NRP2: variants seen among roughly 807,000 people sequenced by gnomAD.
The protein encoded by NRP2 is neuropilin 2.
In NRP2, 52 loss-of-function variants were observed where a neutral mutation model predicts 110.4. The observed-to-expected ratio is 0.47, with a 90% CI of 0.38 to 0.59. The LOEUF (loss-of-function observed/expected upper bound fraction) is 0.59. NRP2 is among the 20% of genes least tolerant of loss of function. NRP2 has a pLI of 0.00. For missense variants in NRP2, 1,049 were observed against 1,203.0 expected (o/e 0.87, Z 1.89); for synonymous variants, 508 against 468.9 (o/e 1.08, Z -1.08).
intron 7 of NRP2, among the ~76,000 whole-genome samples, chr2:205,736,184 A>C (rs2057338403): frequency 6.6e-6 from 1 of 152,094 alleles, no homozygotes; most frequent in Non-Finnish European, 1.5e-5. Flanking sequence ...TCTACTAAAA[A>C]TATAAAAATT....
intron 4 of NRP2, 62 bp from the exon 5 acceptor site, chr2:205,723,723 G>A (rs574999396): frequency 4.6e-5 from 72 of 1,561,212 alleles, no homozygotes; most frequent in African/African-American, 6.8e-5. Flanking sequence ...AAGGGAAAAC[G>A]GAGTGAAAAC....
chr2:205,792,265 G>T lies in NRP2; in HGVS notation c.2456G>T (p.Gly819Val), dbSNP rs966365803. ...ATCCCAGAAATACATGAGAGAGAAG[G>T]ATATGAAGATGAAATTGATGGTGAG... Reference protein sequence around the residue: ...VDIPEIHEREGYEDEIDDEYE... With the variant: ...VDIPEIHEREVYEDEIDDEYE... Residue 819 changes from glycine (G) to valine (V), a missense_variant, in exon 16 of 17, where the codon GGA becomes GTA. By Grantham distance (109) the Gly-to-Val change is moderately radical. Coordinates refer to ENST00000357785, the MANE Select transcript of NRP2 (RefSeq NM_003872.3). The T allele has an allele frequency of 6.2e-7, 1 of 1,602,116 alleles. No homozygotes were observed. The highest frequency in any genetic ancestry group is 1.7e-5 in the Admixed American group (1 of 60,010).
At chr2:205,741,180 G>A (rs574039293) in intron 8 of NRP2, among the ~76,000 whole-genome samples, 1 of 152,184 alleles carries the variant, frequency 6.6e-6, no homozygotes, top group Non-Finnish European at 1.5e-5. Flanking sequence ...TGGACAAGTT[G>A]GGCAGACATA....
intron 15 of NRP2, chr2:205,767,139 C>CT: frequency 2.7e-6 from 1 of 372,048 alleles, no homozygotes; most frequent in South Asian, 2.9e-5. Flanking sequence ...TGTGGGAAGA[C>CT]TGAACCAAAA....
chr2:205,776,362 G>C (rs769877786), intron 15 of NRP2: 1 of 1,613,172 alleles, frequency 6.2e-7, no homozygotes, highest in South Asian at 1.1e-5. Context: ...GCTGGTCTCC[G>C]TCGCGCTGGC....
At chr2:205,702,337 A>G (rs76335910) in intron 2 of NRP2, among the ~76,000 whole-genome samples, 6,338 of 152,300 alleles carry the variant, frequency 0.042, 223 homozygotes, top group Non-Finnish European at 0.064. Context: ...AGCCAGTGCA[A>G]TCCCAAGGCC....
intron 15 of NRP2, among the ~76,000 whole-genome samples, chr2:205,789,982 G>T (rs747125510): frequency 2.0e-5 from 3 of 152,160 alleles, no homozygotes; most frequent in Non-Finnish European, 4.4e-5. Context: ...GTTTTCCCCA[G>T]TGTGCCATTC....
chr2:205,695,731 C>T (rs1444988645), intron 1 of NRP2, among the ~76,000 whole-genome samples: 2 of 152,176 alleles, frequency 1.3e-5, no homozygotes, highest in Non-Finnish European at 2.9e-5. Context: ...GATCTATGTC[C>T]TCACACCTCT....
intron 12 of NRP2, 56 bp downstream of exon 12, chr2:205,753,031 C>T: frequency 6.2e-7 from 1 of 1,605,614 alleles, no homozygotes; most frequent in South Asian, 1.1e-5. Flanking sequence ...GTTCCACATA[C>T]TTCAACCCCA....
Position 205,693,896 on chromosome 2 carries a change from G to A in NRP2, c.74-3648G>A, listed in dbSNP as rs543349676. Reference sequence around the variant, plus strand: ...TAATCAGATTATCTGCTACAGTCAGGCTTCAGTATTTAGCAAATATTATTG... The same window carrying A: ...TAATCAGATTATCTGCTACAGTCAGACTTCAGTATTTAGCAAATATTATTG... On this transcript the variant is annotated intron_variant, in intron 1 of 16. Transcript: ENST00000357785. 6.6e-5 allele frequency among the ~76,000 whole-genome samples: 10 copies of A among 152,330 alleles called. No homozygotes were observed. The South Asian group carries it at 2.1e-3, about 32-fold the overall frequency.
At chr2:205,685,699 G>GC (rs891903127) in intron 1 of NRP2, 1 of 151,912 alleles carries the variant, frequency 6.6e-6, no homozygotes, top group African/African-American at 2.4e-5. Flanking sequence ...TGCCCCGGGC[G>GC]CCCCCGCCAG....
chr2:205,743,711 C>T, intron 9 of NRP2, 159 bp downstream of exon 9: 1 of 1,393,154 alleles, frequency 7.2e-7, no homozygotes. Context: ...TTGTGCCAGG[C>T]ACTGTGCTAA....
intron 5 of NRP2, among the ~76,000 whole-genome samples, chr2:205,724,958 T>G (rs989502113): frequency 2.6e-5 from 4 of 152,226 alleles, no homozygotes; most frequent in Admixed American, 2.0e-4. Context: ...TGAGCCACCA[T>G]GTCCAGCCCC....
At chr2:205,742,021 A>C (rs1054887974) in intron 8 of NRP2, among the ~76,000 whole-genome samples, 1 of 152,228 alleles carries the variant, frequency 6.6e-6, no homozygotes. Context: ...TAATGGGATC[A>C]GTTTATGCTA....
rs1003220013 is a variant in NRP2 at position 205,686,930 on chromosome 2, C to CG, written c.73+3573dup. ...CTTTGCTAGAGTTAATCATGATCTG[C>CG]GGGGGGACTGGGTTTTGCTCAGAAA... On this transcript the variant is annotated intron_variant, in intron 1 of 16. Coordinates refer to ENST00000357785, the MANE Select transcript of NRP2 (RefSeq NM_003872.3). The surrounding 1 kb of genome is among the most constrained non-coding windows in gnomAD (Gnocchi z 4.7). Among the ~76,000 whole-genome samples, 6 of 152,140 alleles carry CG rather than the reference C, an allele frequency of 3.9e-5. No homozygotes were observed. Among genetic ancestry groups the CG allele is most frequent in the African/African-American group, 1.2e-4 (5 of 41,432 alleles).
chr2:205,743,385 C>G lies in NRP2; in HGVS notation c.1474C>G (p.Leu492Val). 1 of 1,614,240 alleles carries G rather than the reference C, an allele frequency of 6.2e-7. No homozygotes were observed. The highest frequency in any genetic ancestry group is 8.5e-7 in the Non-Finnish European group (1 of 1,180,054). ...CGGTGAGGAGTGGCTTCAGGTAGAT[C>G]TGGGAACACCCAAGACAGTGAAAGG... is the stretch of plus-strand genomic sequence containing the variant. ...QPGEEWLQVD[L>V]GTPKTVKGVI... The change falls in exon 9 of 17, where the codon CTG becomes GTG. Residue 492 changes from leucine (L) to valine (V), a missense_variant. Leu to Val is a conservative substitution (Grantham distance 32). Coordinates refer to ENST00000357785, the MANE Select transcript of NRP2 (RefSeq NM_003872.3).
At chr2:205,750,624 A>G (rs1485221683) in intron 11 of NRP2, among the ~76,000 whole-genome samples, 1 of 152,268 alleles carries the variant, frequency 6.6e-6, no homozygotes. Context: ...GTATGAGGAC[A>G]TTTATAAGAA....
chr2:205,705,883 C>T (rs759809828), intron 2 of NRP2, among the ~76,000 whole-genome samples: 3 of 152,024 alleles, frequency 2.0e-5, no homozygotes, highest in Non-Finnish European at 4.4e-5. Flanking sequence ...CCTTGACAAG[C>T]CTTTTCTTTT....
chr2:205,753,215 AAG>A lies in NRP2; in HGVS notation c.2044+242_2044+243del, dbSNP rs1376860609. Among the ~76,000 whole-genome samples the A allele has an allele frequency of 2.0e-5, 3 of 152,216 alleles. No individual in the cohort carries two copies. The East Asian group carries it at 5.8e-4, about 29-fold the overall frequency. ...AAGCTGGGAGGGAGAAGCGGAAGCC[AAG>A]ATAGAAGAAAGAGGAGAAAGAAAAA... On this transcript the variant is annotated intron_variant, in intron 12 of 16. Coordinates refer to ENST00000357785, the MANE Select transcript of NRP2 (RefSeq NM_003872.3).
Sources: allele counts gnomAD v4.1 joint callset (sites outside exome capture counted in the v4.1 genomes callset), GRCh38; gene constraint gnomAD v4.1.1; non-coding constraint Gnocchi (gnomAD v3.1); transcripts MANE v1.5; gene names NCBI Gene and HGNC (gene_info 2026-07-23, HGNC 2026-07-21).